Variants in REEP3 observed in about 807,000 individuals in gnomAD.
The protein encoded by REEP3 is receptor expression-enhancing protein 3.
REEP3 carries 20 observed loss-of-function variants against 41.3 expected under a neutral mutation model. The observed-to-expected ratio is 0.48, with a 90% CI of 0.34 to 0.70. REEP3 has a LOEUF of 0.70. REEP3 is among the 30% of genes least tolerant of loss of function. The pLI, the probability that REEP3 is intolerant of heterozygous loss-of-function variation, is 0.01. For synonymous variants in REEP3, 104 were observed against 101.8 expected, an observed-to-expected ratio of 1.02 and a Z score of -0.13; for missense variants, 271 against 308.8, an observed-to-expected ratio of 0.88 and a Z score of 0.92.
chr10:63,612,550 G>T (rs1409684937), intron 6 of REEP3, among the ~76,000 whole-genome samples: 1 of 152,098 alleles, frequency 6.6e-6, no homozygotes, highest in Non-Finnish European at 1.5e-5. Flanking sequence ...CAGAACTTTG[G>T]GAGGCCGAGG....
intron 2 of REEP3, among the ~76,000 whole-genome samples, chr10:63,574,063 C>G (rs1955876792): frequency 6.6e-6 from 1 of 152,128 alleles, no homozygotes; most frequent in Non-Finnish European, 1.5e-5. Flanking sequence ...CCCCAGGCTC[C>G]CATCCCTATG....
intron 2 of REEP3, among the ~76,000 whole-genome samples, chr10:63,578,190 C>T (rs535315009): frequency 6.6e-6 from 1 of 152,150 alleles, no homozygotes; most frequent in Non-Finnish European, 1.5e-5. Flanking sequence ...ACCTCCACCT[C>T]GCAGGTTCAA....
At chr10:63,603,271 C>A (rs559602923) in intron 5 of REEP3, among the ~76,000 whole-genome samples, 1 of 144,678 alleles carries the variant, frequency 6.9e-6, no homozygotes, top group Non-Finnish European at 1.5e-5. Context: ...CGAGATCGCG[C>A]CACTGCACTC....
intron 1 of REEP3, among the ~76,000 whole-genome samples, chr10:63,553,872 G>T (rs1363316727): frequency 6.6e-6 from 1 of 152,160 alleles, no homozygotes; most frequent in East Asian, 1.9e-4. Flanking sequence ...GGAGGCCGAG[G>T]CGGTTGGATC....
At position 63,583,671 on chromosome 10, in the gene REEP3, AC is replaced by A. The variant is rs1431470425; in HGVS notation, c.106-11105del. Among the ~76,000 whole-genome samples, 7 of 152,310 alleles carry A rather than the reference AC, an allele frequency of 4.6e-5. No individual in the cohort carries two copies. The South Asian group carries it at 1.2e-3, about 27-fold the overall frequency. The stretch of plus-strand genomic sequence containing the variant: ...ACAGTTTGGTATGGGAACTAAGATA[AC>A]CAGTAGGATGGCTGTGTAGTCCAGT... On this transcript the variant is annotated intron_variant, in intron 2 of 7. Coordinates refer to ENST00000373758, the MANE Select transcript of REEP3 (RefSeq NM_001001330.3).
rs1169925214 is a variant in REEP3, at chr10:63,623,258, C to T, written c.*2389C>T. On this transcript the variant is annotated 3_prime_UTR_variant, in exon 8 of 8. Transcript: ENST00000373758. The stretch of plus-strand genomic sequence containing the variant: ...TCATTTTACTCTTCTTTCTCTTCTA[C>T]ATTTCTTAAATTTTGGTTCTTTTCC... The T allele has an allele frequency of 6.6e-6, 1 of 152,184 alleles. No individual in the cohort carries two copies. Among genetic ancestry groups the T allele is most frequent in the African/African-American group, 2.4e-5 (1 of 41,442 alleles). The allele number at this position is 152,184 out of a possible 1,614,324, so 9.4% of individuals were successfully genotyped here. A position where few individuals can be genotyped will look rare whatever the true frequency, so the allele number is the denominator to read the frequency against.
At chr10:63,556,804 T>G (rs943705030) in intron 1 of REEP3, among the ~76,000 whole-genome samples, 1 of 149,508 alleles carries the variant, frequency 6.7e-6, no homozygotes, top group Non-Finnish European at 1.5e-5. Context: ...CCCGGCTAAT[T>G]TTTTGTATTT....
chr10:63,572,015 G>T (rs1476947502), intron 2 of REEP3, among the ~76,000 whole-genome samples: 1 of 152,174 alleles, frequency 6.6e-6, no homozygotes, highest in Admixed American at 6.5e-5. Context: ...AAAGCTGGAC[G>T]TTCGGGGGCC....
At chr10:63,540,493 T>TA (rs1955518674) in intron 1 of REEP3, among the ~76,000 whole-genome samples, 1 of 152,138 alleles carries the variant, frequency 6.6e-6, no homozygotes, top group Non-Finnish European at 1.5e-5. Context: ...ACATCTTGGT[T>TA]AAAAAATAAT....
At chr10:63,619,469 A>G (rs1229748040) in intron 6 of REEP3, among the ~76,000 whole-genome samples, 186 bp from the exon 7 acceptor site, 1 of 152,232 alleles carries the variant, frequency 6.6e-6, no homozygotes, top group Non-Finnish European at 1.5e-5. Context: ...GAAATGAGTT[A>G]TGAGTTTCAC....
At chr10:63,609,675 C>T (rs967149640) in intron 5 of REEP3, among the ~76,000 whole-genome samples, 5 of 151,820 alleles carry the variant, frequency 3.3e-5, no homozygotes, top group South Asian at 2.1e-4. Context: ...GCAGGAGAAA[C>T]GTTTGAACCT....
At chr10:63,523,607 G>A (rs1955321224) in intron 1 of REEP3, among the ~76,000 whole-genome samples, 1 of 152,166 alleles carries the variant, frequency 6.6e-6, no homozygotes, top group South Asian at 2.1e-4. Context: ...CTGCACTCCA[G>A]CCTGGGCCAC....
At chr10:63,589,190 C>G (rs1026574000) in intron 2 of REEP3, among the ~76,000 whole-genome samples, 9 of 152,150 alleles carry the variant, frequency 5.9e-5, no homozygotes, top group African/African-American at 2.2e-4. Flanking sequence ...AATGGAGTGA[C>G]CAGTTAGGAT....
chr10:63,583,838 A>G (rs901647305), intron 2 of REEP3, among the ~76,000 whole-genome samples: 16 of 152,244 alleles, frequency 1.1e-4, no homozygotes, highest in Admixed American at 1.3e-4. Flanking sequence ...AAAGTGAAGT[A>G]TGAATTCTCA....
intron 5 of REEP3, among the ~76,000 whole-genome samples, chr10:63,601,877 C>T (rs1190131569): frequency 2.6e-5 from 4 of 152,002 alleles, no homozygotes; most frequent in South Asian, 4.1e-4. Flanking sequence ...GCCAAGATCA[C>T]GCCATTGCAC....
At chr10:63,591,025 T>G (rs1310360240) in intron 2 of REEP3, among the ~76,000 whole-genome samples, 6 of 152,182 alleles carry the variant, frequency 3.9e-5, no homozygotes, top group African/African-American at 1.2e-4. Context: ...TTCCTTTCAA[T>G]TTTTTGGTAT....
At chr10:63,612,453 G>A (rs1956283500) in intron 6 of REEP3, among the ~76,000 whole-genome samples, 1 of 152,092 alleles carries the variant, frequency 6.6e-6, no homozygotes, top group South Asian at 2.1e-4. Flanking sequence ...TGGGATTACA[G>A]GCATGTGCCA....
chr10:63,594,825 T>C lies in REEP3; in HGVS notation c.153T>C (p.Ile51=). 1 of 1,611,998 alleles carries C rather than the reference T, an allele frequency of 6.2e-7. No homozygotes were observed. The highest frequency in any genetic ancestry group is 8.5e-7 in the Non-Finnish European group (1 of 1,178,102). ...YWIVFALYTV[I]ETVADQTVAW... ...TTGTTTTTGCTCTCTATACTGTGAT[T>C]GAAACAGTAGCCGATCAAACAGTTG... is the stretch of plus-strand genomic sequence containing the variant. The change falls in exon 3 of 8, where the codon ATT becomes ATC. Residue 51 remains isoleucine (I), a synonymous_variant. Transcript: ENST00000373758.
intron 1 of REEP3, among the ~76,000 whole-genome samples, chr10:63,539,981 A>G (rs746338963): frequency 6.6e-6 from 1 of 152,230 alleles, no homozygotes; most frequent in African/African-American, 2.4e-5. Context: ...TACTGTTACC[A>G]TTTTAAAACG....
Sources: gnomAD v4.1 joint callset for allele counts (sites outside exome capture counted in the v4.1 genomes callset) on GRCh38, gnomAD v4.1.1 for gene constraint, MANE v1.5 for transcripts, NCBI Gene and HGNC (gene_info 2026-07-23, HGNC 2026-07-21) for gene names.